Variants in ZDHHC11 observed in about 807,000 individuals in gnomAD.
The protein encoded by ZDHHC11 is palmitoyltransferase ZDHHC11.
In ZDHHC11, 44 loss-of-function variants were observed where a neutral mutation model predicts 51.3. The observed-to-expected ratio is 0.86, with a 90% CI of 0.67 to 1.10. The LOEUF is 1.10. Ranked by LOEUF, ZDHHC11 falls within the 50% of genes least tolerant of loss-of-function variation. The pLI is 0.00. For missense variants in ZDHHC11, 400 were observed against 537.7 expected (o/e 0.74, Z 2.53); for synonymous variants, 163 against 222.0 (o/e 0.73, Z 2.36).
chr5:846,523 ACCGTGCTCAGGGGAAACACG>A (rs1184925817), intron 3 of ZDHHC11, among the ~76,000 whole-genome samples: 63 of 144,694 alleles, frequency 4.4e-4, no homozygotes, highest in African/African-American at 1.7e-3. Context: ...TTGAGCCTCC[ACCGTGCTCAGGGGAAACACG>A]TCTCATCTGT....
chr5:846,067 C>T (rs1383127008), intron 3 of ZDHHC11, among the ~76,000 whole-genome samples: 1 of 150,382 alleles, frequency 6.6e-6, no homozygotes, highest in African/African-American at 2.5e-5. Flanking sequence ...AGGAGCTGGC[C>T]CCACCTTGGC....
chr5:848,361 A>AAGCTCCACT (rs1255908375), intron 2 of ZDHHC11, 121 bp downstream of exon 2: 1 of 522,450 alleles, frequency 1.9e-6, no homozygotes, highest in Non-Finnish European at 3.2e-6. Context: ...CGGGCCCTGG[A>AAGCTCCACT]AGCTCCACTA....
At chr5:825,119 A>C (rs1427500875) in intron 8 of ZDHHC11, 45 bp downstream of exon 8, 5 of 1,572,756 alleles carry the variant, frequency 3.2e-6, no homozygotes, top group Admixed American at 1.7e-5. Context: ...CATATTCTGC[A>C]CACGGCCCTG....
At chr5:822,902 T>C (rs1045804185) in intron 8 of ZDHHC11, among the ~76,000 whole-genome samples, 14 of 151,368 alleles carry the variant, frequency 9.2e-5, no homozygotes, top group Middle Eastern at 6.3e-3. Context: ...TGGCAAATGA[T>C]GTTGAGCACC....
intron 12 of ZDHHC11, among the ~76,000 whole-genome samples, chr5:797,322 G>A (rs1737734364): frequency 6.6e-6 from 1 of 151,642 alleles, no homozygotes; most frequent in African/African-American, 2.4e-5. Flanking sequence ...TGGGCTTTAT[G>A]AATCTGTGAG....
At chr5:849,095 A>T (rs931118244) in intron 1 of ZDHHC11, among the ~76,000 whole-genome samples, 45 of 151,018 alleles carry the variant, frequency 3.0e-4, no homozygotes, top group Non-Finnish European at 5.8e-4. Flanking sequence ...TCTAGAGGAG[A>T]TGAGTCCACC....
intron 1 of ZDHHC11, 154 bp downstream of exon 1, chr5:850,227 A>G: frequency 1.2e-6 from 1 of 856,148 alleles, no homozygotes; most frequent in East Asian, 2.7e-5. Context: ...ATGAGTGGCC[A>G]CTGGGCCCAC....
intron 11 of ZDHHC11, among the ~76,000 whole-genome samples, chr5:808,320 A>G (rs1739578157): frequency 6.6e-6 from 1 of 152,068 alleles, no homozygotes; most frequent in African/African-American, 2.4e-5. Context: ...CTCTCAGTGC[A>G]GAGAGACAGC....
upstream of ZDHHC11, among the ~76,000 whole-genome samples, chr5:859,728 A>T (rs945364874): frequency 6.6e-6 from 1 of 152,060 alleles, no homozygotes; most frequent in Non-Finnish European, 1.5e-5. Flanking sequence ...CTTCACCACG[A>T]CCCATGACAA....
chr5:828,523 G>A (rs946813513), intron 7 of ZDHHC11, among the ~76,000 whole-genome samples: 1 of 151,356 alleles, frequency 6.6e-6, no homozygotes, highest in African/African-American at 2.4e-5. Context: ...CTGGACATAA[G>A]AAATGAGACT....
intron 2 of ZDHHC11, chr5:847,849 T>G (rs478226): frequency 0.3 from 116,239 of 382,988 alleles, 9,612 homozygotes; most frequent in African/African-American, 0.66. Context: ...AGCTGTGTCT[T>G]TGGCCGCCCT....
chr5:824,649 CACAT>C (rs1196942344), intron 8 of ZDHHC11, among the ~76,000 whole-genome samples: 1 of 151,440 alleles, frequency 6.6e-6, no homozygotes, highest in African/African-American at 2.4e-5. Flanking sequence ...CAAAACCACA[CACAT>C]AACCACACCC....
chr5:801,314 G>A (rs1325809367), intron 11 of ZDHHC11, 150 bp from the exon 12 acceptor site: 9 of 1,025,634 alleles, frequency 8.8e-6, no homozygotes, highest in Non-Finnish European at 2.8e-6. Context: ...GAGTTTCAGA[G>A]CCTTCATTTT....
chr5:847,203 G>A (rs1561300281), intron 3 of ZDHHC11, among the ~76,000 whole-genome samples: 1 of 151,746 alleles, frequency 6.6e-6, no homozygotes, highest in African/African-American at 2.4e-5. Context: ...AGCCTGGGTG[G>A]AGAGAAGGCA....
intron 7 of ZDHHC11, among the ~76,000 whole-genome samples, chr5:828,429 G>T (rs1225542002): frequency 1.3e-5 from 2 of 150,424 alleles, no homozygotes; most frequent in African/African-American, 4.9e-5. Flanking sequence ...CCTCCCTCCT[G>T]GACGGGGCGG....
At chr5:812,079 C>T (rs1332640183) in intron 11 of ZDHHC11, among the ~76,000 whole-genome samples, 1 of 135,774 alleles carries the variant, frequency 7.4e-6, no homozygotes, top group African/African-American at 3.2e-5. Flanking sequence ...CCTTAGCTCT[C>T]TCCCTGTATG....
chr5:834,797 G>A (rs952834132), intron 6 of ZDHHC11, among the ~76,000 whole-genome samples: 4 of 151,968 alleles, frequency 2.6e-5, no homozygotes, highest in Non-Finnish European at 5.9e-5. Context: ...TAGCAATAAA[G>A]CACTTTTAAT....
rs759019539 is a variant in ZDHHC11, at chr5:850,556, A to G, written c.47T>C (p.Ile16Thr). 22 of 1,613,520 alleles carry G rather than the reference A, an allele frequency of 1.4e-5. No homozygotes were observed. In the South Asian group the frequency reaches 1.9e-4, roughly 14 times the overall value. ...GSQCSVTPEA[I>T]LNNEKLVLPP... is the part of the protein sequence containing the mutation. Reference sequence around the variant, plus strand: ...CAAGACCAGCTTTTCATTATTGAGTATGGCTTCTGGGGTGACGGAACACTG... The same window carrying G: ...CAAGACCAGCTTTTCATTATTGAGTGTGGCTTCTGGGGTGACGGAACACTG... The change falls in exon 1 of 13, where the codon ATA (isoleucine) becomes ACA (threonine). Residue 16 changes from isoleucine (I) to threonine (T), a missense_variant. Transcript: ENST00000283441.
intron 5 of ZDHHC11, among the ~76,000 whole-genome samples, chr5:838,457 C>T (rs1308020948): frequency 6.6e-6 from 1 of 152,060 alleles, no homozygotes; most frequent in East Asian, 1.9e-4. Context: ...CAGTGAGGAG[C>T]AGATGGCGGT....
Sources: allele counts gnomAD v4.1 joint callset (sites outside exome capture counted in the v4.1 genomes callset), GRCh38; gene constraint gnomAD v4.1.1; transcripts MANE v1.5; gene names NCBI Gene and HGNC (gene_info 2026-07-23, HGNC 2026-07-21).